Variants in VEZT observed in about 807,000 individuals in gnomAD.
The protein encoded by VEZT is vezatin, adherens junctions transmembrane protein, also known as vezatin.
In VEZT, 39 loss-of-function variants were observed where a neutral mutation model predicts 79.9. That is an observed-to-expected ratio of 0.49 (90% confidence interval 0.38 to 0.64). The LOEUF is 0.64. Among genes scored for constraint, VEZT ranks in the 30% least tolerant of loss-of-function variants. The pLI is 0.00. For synonymous variants in VEZT, 325 were observed against 327.6 expected (o/e 0.99, Z 0.09); for missense variants, 837 against 893.1 (o/e 0.94, Z 0.80).
intron 1 of VEZT, among the ~76,000 whole-genome samples, chr12:95,229,984 A>C (rs2059012816): frequency 6.6e-6 from 1 of 152,082 alleles, no homozygotes; most frequent in Admixed American, 6.6e-5. Context: ...TGGTGCCTGT[A>C]ATCCCAGCTA....
chr12:95,268,768 T>A (rs1384178469), intron 5 of VEZT, among the ~76,000 whole-genome samples: 1 of 152,252 alleles, frequency 6.6e-6, no homozygotes, highest in East Asian at 1.9e-4. Context: ...TGTCTCTATC[T>A]AACTGGATAA....
rs192028737 is a variant in VEZT at position 95,250,981 on chromosome 12, C to T, written c.37-959C>T. Among the ~76,000 whole-genome samples the T allele has an allele frequency of 2.8e-3, 431 of 152,174 alleles. 4 individuals are homozygous for T. Among genetic ancestry groups the T allele is most frequent in the Middle Eastern group, 0.02 (6 of 294 alleles). The stretch of plus-strand genomic sequence containing the variant: ...TCCTGGTTACTTAGCTAGTAAGAGG[C>T]AGAGTCGGGATTTGAATCTGTAGAT... On this transcript the variant is annotated intron_variant, in intron 1 of 11. Coordinates refer to ENST00000436874, the MANE Select transcript of VEZT (RefSeq NM_017599.4).
rs1226737744 is a variant in VEZT at position 95,287,674 on chromosome 12, C to A, written c.1339C>A (p.Leu447Ile). Residue 447 changes from leucine (L) to isoleucine (I), a missense_variant, in exon 9 of 12, where the codon CTT becomes ATT. Coordinates refer to ENST00000436874, the MANE Select transcript of VEZT (RefSeq NM_017599.4). ...LKALLNEVII[L>I]EDELEKLVCT... ...TTCTTTATGACTCAGGGTAATAATT[C>A]TTGAAGATGAACTTGAAAAGCTTGT... 3.2e-6 allele frequency: 5 copies of A among 1,558,092 alleles called. No homozygotes were observed. In the South Asian group the frequency reaches 6.1e-5, roughly 19 times the overall value.
intron 7 of VEZT, among the ~76,000 whole-genome samples, chr12:95,275,577 CAAA>C (rs71078694): frequency 7.0e-6 from 1 of 142,646 alleles, no homozygotes. Context: ...AACTCCATCT[CAAA>C]AAAAAAAAAA....
chr12:95,258,585 T>C (rs994644080), intron 3 of VEZT, among the ~76,000 whole-genome samples: 9 of 152,208 alleles, frequency 5.9e-5, no homozygotes, highest in African/African-American at 1.9e-4. Flanking sequence ...TATACAGATA[T>C]TGAAGCAGGC....
rs1770692163 is a variant in VEZT at position 95,301,869 on chromosome 12, C to A, written c.*1196C>A. 1 of 152,034 alleles carries A rather than the reference C, an allele frequency of 6.6e-6. No individual in the cohort carries two copies. Among genetic ancestry groups the A allele is most frequent in the Admixed American group, 6.6e-5 (1 of 15,256 alleles). The allele number at this position is 152,034 out of a possible 1,614,324, so 9.4% of individuals were successfully genotyped here. A position where few individuals can be genotyped will look rare whatever the true frequency, so the allele number is the denominator to read the frequency against. On this transcript the variant is annotated 3_prime_UTR_variant, in exon 12 of 12. Transcript: ENST00000436874. ...CTTTCAGTGAGTAAATTTACTTATA[C>A]CAAAGGGGATTTTTTTTCTTTCAGG...
intron 7 of VEZT, among the ~76,000 whole-genome samples, chr12:95,281,627 C>T (rs1276913231): frequency 2.6e-5 from 4 of 150,982 alleles, no homozygotes; most frequent in African/African-American, 7.3e-5. Flanking sequence ...CTCACTGTAA[C>T]GTCTGCCTCC....
chr12:95,255,215 C>G (rs2063272517), intron 2 of VEZT, among the ~76,000 whole-genome samples: 1 of 151,986 alleles, frequency 6.6e-6, no homozygotes, highest in African/African-American at 2.4e-5. Flanking sequence ...CCTCAGACAC[C>G]CCCAAAACAA....
intron 9 of VEZT, among the ~76,000 whole-genome samples, chr12:95,289,081 C>CAA: frequency 8.1e-6 from 1 of 123,044 alleles, no homozygotes; most frequent in Non-Finnish European, 1.8e-5. Flanking sequence ...GACTCCGTCT[C>CAA]AAAAAAAAAA....
At chr12:95,258,190 T>C (rs1298888091) in intron 3 of VEZT, 2 of 454,208 alleles carry the variant, frequency 4.4e-6, no homozygotes, top group Admixed American at 4.7e-5. Flanking sequence ...TGAAGGTGTA[T>C]TGAGAAGGTC....
intron 5 of VEZT, 95 bp from the exon 6 acceptor site, chr12:95,269,956 T>C: frequency 7.0e-7 from 1 of 1,424,956 alleles, no homozygotes; most frequent in Non-Finnish European, 9.5e-7. Flanking sequence ...AGGAATTTGT[T>C]TTCTACATTT....
intron 1 of VEZT, chr12:95,245,412 A>G (rs1019393817): frequency 4.6e-6 from 2 of 436,460 alleles, no homozygotes; most frequent in Non-Finnish European, 9.2e-6. Context: ...AGAGCACTCA[A>G]TATTTCCTTG....
intron 8 of VEZT, chr12:95,286,313 G>A (rs943807571): frequency 4.8e-6 from 2 of 413,018 alleles, no homozygotes; most frequent in South Asian, 2.0e-5. Context: ...ATGTATGTAT[G>A]TATGTAACAA....
chr12:95,294,399 C>G (rs2073693755), intron 10 of VEZT, 27 bp downstream of exon 10: 1 of 1,520,966 alleles, frequency 6.6e-7, no homozygotes, highest in Non-Finnish European at 8.9e-7. Context: ...CTGTTCTTTC[C>G]CTTGTTGGAT....
intron 2 of VEZT, among the ~76,000 whole-genome samples, chr12:95,256,118 C>A (rs1297585493): frequency 1.3e-5 from 2 of 152,030 alleles, no homozygotes; most frequent in East Asian, 3.9e-4. Flanking sequence ...ATGGCGCGAT[C>A]TCGGCTCACC....
At chr12:95,218,010 C>G (rs2056945238) in intron 1 of VEZT, 124 bp downstream of exon 1, 10 of 946,028 alleles carry the variant, frequency 1.1e-5, no homozygotes, top group Non-Finnish European at 1.5e-5. Flanking sequence ...CCTCGACCAC[C>G]GAACCCCAGC....
chr12:95,235,531 C>G (rs528733397), intron 1 of VEZT, among the ~76,000 whole-genome samples: 1 of 131,512 alleles, frequency 7.6e-6, no homozygotes, highest in African/African-American at 2.9e-5. Context: ...GGCAGCTGGC[C>G]GGGCGGGGGG....
intron 1 of VEZT, chr12:95,244,082 CTT>C (rs71078689): frequency 1.2e-3 from 317 of 270,798 alleles, no homozygotes; most frequent in Admixed American, 2.1e-3. Context: ...ACTAAAAACT[CTT>C]TTTTTTTTTT....
intron 2 of VEZT, among the ~76,000 whole-genome samples, chr12:95,253,570 A>G (rs1339696394): frequency 6.6e-6 from 1 of 152,216 alleles, no homozygotes; most frequent in Non-Finnish European, 1.5e-5. Flanking sequence ...TGGCAACACA[A>G]AACAAAGAAT....
Sources: allele counts gnomAD v4.1 joint callset (sites outside exome capture counted in the v4.1 genomes callset), GRCh38; gene constraint gnomAD v4.1.1; transcripts MANE v1.5; gene names NCBI Gene and HGNC (gene_info 2026-07-23, HGNC 2026-07-21).